OPCML: variants seen among roughly 807,000 people sequenced by gnomAD.
OPCML encodes opioid binding protein/cell adhesion molecule like.
A neutral mutation model predicts 37.8 loss-of-function variants in OPCML; 13 were observed. That is an observed-to-expected ratio of 0.34 (90% CI 0.22 to 0.55). The LOEUF (loss-of-function observed/expected upper bound fraction) is 0.55, where lower values mean the gene tolerates loss of function less well. Ranked by LOEUF, OPCML falls within the 20% of genes least tolerant of loss-of-function variation. OPCML has a pLI of 0.91. For synonymous variants in OPCML, 176 were observed against 168.8 expected (o/e 1.04, Z -0.33); for missense variants, 341 against 435.6 (o/e 0.78, Z 1.93).
intron 2 of OPCML, among the ~76,000 whole-genome samples, chr11:132,708,349 T>G (rs1317912146): frequency 6.6e-6 from 1 of 152,220 alleles, no homozygotes; most frequent in Non-Finnish European, 1.5e-5. Context: ...TTCTTTCTTC[T>G]CTTTGTAATC....
chr11:133,272,938 T>C (rs1206233316), intron 1 of OPCML, among the ~76,000 whole-genome samples: 1 of 152,128 alleles, frequency 6.6e-6, no homozygotes. Context: ...TTACGGGCCT[T>C]CTTTTAAATC....
At chr11:132,780,591 G>A (rs1018319838) in intron 2 of OPCML, among the ~76,000 whole-genome samples, 5 of 152,134 alleles carry the variant, frequency 3.3e-5, no homozygotes, top group Admixed American at 1.3e-4. Flanking sequence ...CCATGAGTCC[G>A]CAGGTTTGAA....
At chr11:133,112,135 C>G (rs1436885248) in intron 1 of OPCML, among the ~76,000 whole-genome samples, 1 of 151,922 alleles carries the variant, frequency 6.6e-6, no homozygotes, top group African/African-American at 2.4e-5. Context: ...TGGTGACAGG[C>G]AGCTTTGTGA....
intron 1 of OPCML, among the ~76,000 whole-genome samples, chr11:133,432,856 C>A (rs550599427): frequency 6.6e-6 from 1 of 152,178 alleles, no homozygotes; most frequent in African/African-American, 2.4e-5. Flanking sequence ...ATGCAAAATA[C>A]TAAAATTAAG....
At chr11:132,598,961 G>A (rs1937636189) in intron 3 of OPCML, among the ~76,000 whole-genome samples, 1 of 152,158 alleles carries the variant, frequency 6.6e-6, no homozygotes, top group South Asian at 2.1e-4. Flanking sequence ...GATCAACTTT[G>A]TCACTATTCA....
At chr11:132,573,173 A>G (rs770508012) in intron 3 of OPCML, among the ~76,000 whole-genome samples, 9 of 151,872 alleles carry the variant, frequency 5.9e-5, no homozygotes, top group East Asian at 1.9e-4. Context: ...ACGAGATCAC[A>G]TAGTCTCCAA....
chr11:133,515,978 C>T (rs114343329), intron 1 of OPCML, among the ~76,000 whole-genome samples: 1,539 of 152,080 alleles, frequency 0.01, 29 homozygotes, highest in African/African-American at 0.035. Flanking sequence ...TGGAGTCTGG[C>T]GCTGGCTCCC....
At chr11:133,204,868 G>A (rs7396332) in intron 1 of OPCML, among the ~76,000 whole-genome samples, 14 of 117,318 alleles carry the variant, frequency 1.2e-4, no homozygotes, top group East Asian at 6.1e-4. Flanking sequence ...ATATATATGT[G>A]TATATATATA....
In OPCML at chr11:132,862,668, G is replaced by A. The variant is rs138879332; in HGVS notation, c.146+80258C>T. On this transcript the variant is annotated intron_variant, in intron 2 of 7. Coordinates refer to ENST00000524381, the MANE Select transcript of OPCML (RefSeq NM_001012393.5). ...AGATGGTGGGCTGGGGAGATATTTCGGACGTGGCACTACTGTCACTTCAAA... is the reference window on the plus strand; with the variant it reads ...AGATGGTGGGCTGGGGAGATATTTCAGACGTGGCACTACTGTCACTTCAAA... Among the ~76,000 whole-genome samples, 116 of 152,152 alleles carry A rather than the reference G, an allele frequency of 7.6e-4. 1 individual carries two copies. Among genetic ancestry groups the A allele is most frequent in the Admixed American group, 1.3e-3 (20 of 15,286 alleles).
At chr11:132,871,842 A>G (rs74416896) in intron 2 of OPCML, among the ~76,000 whole-genome samples, 5,833 of 152,278 alleles carry the variant, frequency 0.038, 336 homozygotes, top group African/African-American at 0.13. Flanking sequence ...CAATGTATGT[A>G]TGCCTTTGTT....
At chr11:132,439,868 A>G (rs1038084693) in intron 4 of OPCML, among the ~76,000 whole-genome samples, 1 of 152,218 alleles carries the variant, frequency 6.6e-6, no homozygotes, top group Non-Finnish European at 1.5e-5. Context: ...GGGCCTGGCT[A>G]GAGTCTCAGG....
At chr11:132,698,402 G>A (rs910286667) in intron 2 of OPCML, among the ~76,000 whole-genome samples, 3 of 152,058 alleles carry the variant, frequency 2.0e-5, no homozygotes, top group African/African-American at 4.8e-5. Flanking sequence ...GTGATGTTGA[G>A]TTTTTTTAAA....
In OPCML at chr11:132,899,088, G is replaced by A. The variant is rs573565539; in HGVS notation, c.146+43838C>T. Among the ~76,000 whole-genome samples the A allele has an allele frequency of 3.9e-5, 6 of 152,276 alleles. No individual in the cohort carries two copies. The South Asian group carries it at 1.2e-3, about 32-fold the overall frequency. On this transcript the variant is annotated intron_variant, in intron 2 of 7. Transcript: ENST00000524381. Reference sequence around the variant, plus strand: ...TCCAGGGAGGACTACTAATGACCCAGATTCCTCAGGAATAAAGGTTCAGGT... The same window carrying A: ...TCCAGGGAGGACTACTAATGACCCAAATTCCTCAGGAATAAAGGTTCAGGT...
intron 1 of OPCML, among the ~76,000 whole-genome samples, chr11:133,074,656 T>C (rs1193503152): frequency 1.3e-5 from 2 of 152,202 alleles, no homozygotes; most frequent in Non-Finnish European, 2.9e-5. Flanking sequence ...GGATCCTATG[T>C]GAAGCTTTGG....
chr11:133,482,875 T>C (rs1016147113), intron 1 of OPCML, among the ~76,000 whole-genome samples: 3 of 152,096 alleles, frequency 2.0e-5, no homozygotes, highest in Non-Finnish European at 4.4e-5. Flanking sequence ...GAATGTTGGC[T>C]TAAACAAACG....
At chr11:132,624,783 G>T (rs950905504) in intron 3 of OPCML, among the ~76,000 whole-genome samples, 1 of 152,034 alleles carries the variant, frequency 6.6e-6, no homozygotes, top group African/African-American at 2.4e-5. Flanking sequence ...TTACGTGTCC[G>T]AAACAAATCC....
At chr11:133,461,142 ACTT>A (rs1946849583) in intron 1 of OPCML, among the ~76,000 whole-genome samples, 1 of 151,974 alleles carries the variant, frequency 6.6e-6, no homozygotes, top group Non-Finnish European at 1.5e-5. Context: ...GAAAAACTGA[ACTT>A]CTTTTTTTAG....
At chr11:132,915,196 C>A (rs1315296143) in intron 2 of OPCML, among the ~76,000 whole-genome samples, 1 of 152,150 alleles carries the variant, frequency 6.6e-6, no homozygotes, top group Non-Finnish European at 1.5e-5. Context: ...GTGTGTAAAC[C>A]ACCAGACCCT....
intron 1 of OPCML, among the ~76,000 whole-genome samples, chr11:133,353,691 G>A (rs1944196016): frequency 6.6e-6 from 1 of 152,202 alleles, no homozygotes; most frequent in Non-Finnish European, 1.5e-5. Context: ...TTGGCAGGCA[G>A]GAGCCTGCTC....
Sources: allele counts gnomAD v4.1 joint callset (sites outside exome capture counted in the v4.1 genomes callset), GRCh38; gene constraint gnomAD v4.1.1; transcripts MANE v1.5; gene names NCBI Gene and HGNC (gene_info 2026-07-23, HGNC 2026-07-21).